Variants in GFRAL observed in about 807,000 individuals in gnomAD.
The protein encoded by GFRAL is GDNF family receptor alpha-like.
Under a neutral mutation model 45.4 loss-of-function variants are expected in GFRAL, and 36 were observed. That is an observed-to-expected ratio of 0.79 (90% confidence interval 0.61 to 1.05). The LOEUF (loss-of-function observed/expected upper bound fraction) is 1.05. GFRAL is among the 50% of genes least tolerant of loss of function. GFRAL has a pLI of 0.00. For synonymous variants in GFRAL, 166 were observed against 154.1 expected (o/e 1.08, Z -0.57); for missense variants, 507 against 467.5 (o/e 1.08, Z -0.78).
intron 6 of GFRAL, among the ~76,000 whole-genome samples, chr6:55,390,110 T>C (rs1012397521): frequency 6.6e-6 from 1 of 152,264 alleles, no homozygotes; most frequent in African/African-American, 2.4e-5. Flanking sequence ...TCCTGACCTT[T>C]CTCCAGTTTC....
chr6:55,347,157 A>T (rs1768054762), intron 3 of GFRAL, among the ~76,000 whole-genome samples: 1 of 152,158 alleles, frequency 6.6e-6, no homozygotes, highest in Non-Finnish European at 1.5e-5. Flanking sequence ...ATAGGCTGGA[A>T]AGAGTCTATG....
intron 6 of GFRAL, among the ~76,000 whole-genome samples, chr6:55,380,600 T>C (rs1221628603): frequency 2.0e-5 from 3 of 151,906 alleles, no homozygotes; most frequent in Non-Finnish European, 4.4e-5. Context: ...TCACCAGCCA[T>C]AGGTCCCAGA....
At chr6:55,401,367 T>A (rs777875654) in intron 8 of GFRAL, among the ~76,000 whole-genome samples, 1 of 152,086 alleles carries the variant, frequency 6.6e-6, no homozygotes. Flanking sequence ...TGGAGATAAA[T>A]AATGCTCCCT....
intron 6 of GFRAL, among the ~76,000 whole-genome samples, chr6:55,383,911 C>A (rs941182716): frequency 3.9e-5 from 6 of 152,006 alleles, no homozygotes; most frequent in Non-Finnish European, 7.4e-5. Flanking sequence ...TGGAATCTGG[C>A]AATGTTCACT....
intron 3 of GFRAL, 65 bp from the exon 4 acceptor site, chr6:55,350,027 C>T: frequency 1.1e-6 from 1 of 943,458 alleles, no homozygotes; most frequent in Non-Finnish European, 1.7e-6. Context: ...AAATGTGGCC[C>T]ACGTTTTCCT....
At chr6:55,342,326 T>C (rs971826908) in intron 3 of GFRAL, among the ~76,000 whole-genome samples, 15 of 152,196 alleles carry the variant, frequency 9.9e-5, no homozygotes, top group African/African-American at 3.6e-4. Flanking sequence ...AGCAGATCTC[T>C]CGGCAGAAAC....
At chr6:55,340,303 A>G (rs1209608344) in intron 3 of GFRAL, among the ~76,000 whole-genome samples, 4 of 152,208 alleles carry the variant, frequency 2.6e-5, no homozygotes, top group Non-Finnish European at 5.9e-5. Context: ...GTACACAGAC[A>G]TGCACTTTTC....
chr6:55,332,999 TTGA>T (rs905367463), intron 2 of GFRAL, among the ~76,000 whole-genome samples: 1 of 152,130 alleles, frequency 6.6e-6, no homozygotes, highest in African/African-American at 2.4e-5. Flanking sequence ...TCTATTTATT[TTGA>T]TGATTAAACT....
At chr6:55,336,680 T>C (rs796792947) in intron 3 of GFRAL, among the ~76,000 whole-genome samples, 8 of 152,228 alleles carry the variant, frequency 5.3e-5, no homozygotes, top group African/African-American at 1.9e-4. Flanking sequence ...TATAATAGAG[T>C]TTCATTTTCC....
chr6:55,353,485 G>A (rs1422562340), intron 5 of GFRAL, among the ~76,000 whole-genome samples: 1 of 151,938 alleles, frequency 6.6e-6, no homozygotes, highest in Non-Finnish European at 1.5e-5. Flanking sequence ...CAACTTATAG[G>A]ATATCAAGGT....
At chr6:55,399,039 C>T (rs1369075725) in intron 6 of GFRAL, 141 bp from the exon 7 acceptor site, 4 of 502,692 alleles carry the variant, frequency 8.0e-6, no homozygotes, top group Admixed American at 7.6e-5. Flanking sequence ...GAAAATTGTT[C>T]CTAGTTTTAT....
rs1460580411 is a variant in GFRAL, at chr6:55,351,235, G to A, written c.371-18G>A. The A allele has an allele frequency of 1.9e-5, 29 of 1,536,952 alleles. No homozygotes were observed. The highest frequency in any genetic ancestry group is 2.6e-5 in the Non-Finnish European group (29 of 1,129,214). ...TTGTGTTTACTTTTCCACGACCTGGGCATATCATTGCTTTCAGGATTCAAA... is the reference window on the plus strand; with the variant it reads ...TTGTGTTTACTTTTCCACGACCTGGACATATCATTGCTTTCAGGATTCAAA... On this transcript the variant is annotated intron_variant, in intron 4 of 8. Coordinates refer to ENST00000340465, the MANE Select transcript of GFRAL (RefSeq NM_207410.2).
chr6:55,369,142 T>C (rs1768412463), intron 6 of GFRAL, among the ~76,000 whole-genome samples: 1 of 151,698 alleles, frequency 6.6e-6, no homozygotes, highest in Non-Finnish European at 1.5e-5. Flanking sequence ...TAGAATCTCA[T>C]GGTGCGCCGT....
In GFRAL at chr6:55,327,514, T is replaced by C. The variant is rs372073689; in HGVS notation, c.-41T>C. The C allele has an allele frequency of 3.3e-5, 53 of 1,611,006 alleles. No individual in the cohort carries two copies. The Middle Eastern group carries it at 4.9e-4, about 15-fold the overall frequency. Reference sequence around the variant, plus strand: ...TAAGAAAGTTGTCAGAAGAAACGCATCTGCCTTTTTTTCCAGGTGAACTGC... The same window carrying C: ...TAAGAAAGTTGTCAGAAGAAACGCACCTGCCTTTTTTTCCAGGTGAACTGC... On this transcript the variant is annotated 5_prime_UTR_variant, in exon 1 of 9. Transcript: ENST00000340465.
At chr6:55,392,385 T>C (rs1451277473) in intron 6 of GFRAL, among the ~76,000 whole-genome samples, 2 of 152,230 alleles carry the variant, frequency 1.3e-5, no homozygotes, top group Non-Finnish European at 2.9e-5. Context: ...AACCTTTACT[T>C]GGGTCCAAAT....
intron 6 of GFRAL, among the ~76,000 whole-genome samples, chr6:55,367,769 C>T (rs1768385794): frequency 6.6e-6 from 1 of 151,618 alleles, no homozygotes; most frequent in Admixed American, 6.6e-5. Flanking sequence ...GAATATTGGC[C>T]CCCACTCTCT....
chr6:55,345,966 A>T, intron 3 of GFRAL, among the ~76,000 whole-genome samples: 1 of 152,244 alleles, frequency 6.6e-6, no homozygotes, highest in Non-Finnish European at 1.5e-5. Flanking sequence ...GCCATCAGAG[A>T]AATGCAAATC....
At chr6:55,393,301 A>G (rs1266354271) in intron 6 of GFRAL, among the ~76,000 whole-genome samples, 1 of 152,228 alleles carries the variant, frequency 6.6e-6, no homozygotes, top group African/African-American at 2.4e-5. Flanking sequence ...CATATATTAC[A>G]TCTAACCCAA....
At chr6:55,385,416 T>C (rs1056023822) in intron 6 of GFRAL, among the ~76,000 whole-genome samples, 3 of 152,120 alleles carry the variant, frequency 2.0e-5, no homozygotes, top group African/African-American at 7.2e-5. Context: ...TGAGACCTAA[T>C]TGACTGCTAT....
Sources: gnomAD v4.1 joint callset for allele counts (sites outside exome capture counted in the v4.1 genomes callset) on GRCh38, gnomAD v4.1.1 for gene constraint, MANE v1.5 for transcripts, NCBI Gene and HGNC (gene_info 2026-07-23, HGNC 2026-07-21) for gene names.